The following THADA variants were observed in gnomAD, a reference collection of about 807,000 sequenced individuals.
The protein encoded by THADA is THADA armadillo repeat containing, also known as tRNA (32-2'-O)-methyltransferase regulator THADA.
THADA carries 213 observed loss-of-function variants against 219.8 expected under a neutral mutation model. That is an observed-to-expected ratio of 0.97 (90% CI 0.87 to 1.09). The LOEUF is 1.09. THADA is among the 50% of genes least tolerant of loss of function. The pLI is 0.00. For synonymous variants in THADA, 1,018 were observed against 828.9 expected, an observed-to-expected ratio of 1.23 and a Z score of -3.92; for missense variants, 2,956 against 2,311.3, an observed-to-expected ratio of 1.28 and a Z score of -5.72.
intron 28 of THADA, among the ~76,000 whole-genome samples, chr2:43,423,785 G>C (rs1388585333): frequency 6.6e-5 from 10 of 152,078 alleles, no homozygotes; most frequent in Admixed American, 6.6e-4. Flanking sequence ...TCTTTGACTG[G>C]AACTTGAAAC....
intron 36 of THADA, among the ~76,000 whole-genome samples, chr2:43,268,398 C>T (rs1229830105): frequency 5.9e-5 from 9 of 152,288 alleles, no homozygotes; most frequent in African/African-American, 1.9e-4. Context: ...CACACCCTGC[C>T]CCACGTGTGC....
In THADA at chr2:43,337,392, G is replaced by T. The variant is rs1363806504; in HGVS notation, c.4343+6730C>A. ...TGTCTCCCCAGTTGTTTTCACTGTAGAAAAGATTTTTTTATATTAAGGCAG... is the reference window on the plus strand; with the variant it reads ...TGTCTCCCCAGTTGTTTTCACTGTATAAAAGATTTTTTTATATTAAGGCAG... On this transcript the variant is annotated intron_variant, in intron 30 of 37. Coordinates refer to ENST00000405975, the MANE Select transcript of THADA (RefSeq NM_022065.5). Among the ~76,000 whole-genome samples the T allele has an allele frequency of 2.0e-5, 3 of 152,162 alleles. No individual in the cohort carries two copies. In the East Asian group the frequency reaches 5.8e-4, roughly 29 times the overall value.
At chr2:43,476,697 C>T (rs188600352) in intron 26 of THADA, among the ~76,000 whole-genome samples, 28 of 152,216 alleles carry the variant, frequency 1.8e-4, no homozygotes, top group Admixed American at 1.2e-3. Context: ...TATGTTATGT[C>T]GTTCTCCCTG....
intron 26 of THADA, among the ~76,000 whole-genome samples, chr2:43,476,549 C>A (rs1685571416): frequency 6.6e-6 from 1 of 152,170 alleles, no homozygotes; most frequent in South Asian, 2.1e-4. Context: ...CAAAAGGATT[C>A]TAGCTGCATA....
intron 29 of THADA, among the ~76,000 whole-genome samples, chr2:43,387,260 G>A (rs943984239): frequency 3.9e-5 from 6 of 152,302 alleles, no homozygotes; most frequent in Non-Finnish European, 7.4e-5. Context: ...CTCTGACTCT[G>A]AGGAGGGCAG....
rs114557571 is a variant in THADA at position 43,343,834 on chromosome 2, C to A, written c.4343+288G>T. 3.8e-5 allele frequency: 11 copies of A among 289,116 alleles called. No individual in the cohort carries two copies. In the East Asian group the frequency reaches 8.3e-4, roughly 22 times the overall value. 17.9% of individuals were successfully genotyped at this position (289,116 alleles called of 1,614,324 possible). Reference sequence around the variant, plus strand: ...TTACTGCCTTTCATTGTTATAATATCTAACACAGGACTGGGCACGCAGCAG... The same window carrying A: ...TTACTGCCTTTCATTGTTATAATATATAACACAGGACTGGGCACGCAGCAG... On this transcript the variant is annotated intron_variant, in intron 30 of 37. Coordinates refer to ENST00000405975, the MANE Select transcript of THADA (RefSeq NM_022065.5).
intron 4 of THADA, among the ~76,000 whole-genome samples, chr2:43,588,875 A>T (rs1282648039): frequency 6.6e-6 from 1 of 152,146 alleles, no homozygotes; most frequent in Non-Finnish European, 1.5e-5. Context: ...TATCACTGCA[A>T]TGGGGAAGTG....
chr2:43,540,772 G>C (rs532742476), intron 21 of THADA, among the ~76,000 whole-genome samples: 3 of 152,122 alleles, frequency 2.0e-5, no homozygotes, highest in African/African-American at 7.2e-5. Context: ...GGAAACATGA[G>C]ATCCATAATC....
intron 26 of THADA, among the ~76,000 whole-genome samples, chr2:43,476,801 T>C (rs1307549680): frequency 1.3e-5 from 2 of 152,224 alleles, no homozygotes; most frequent in African/African-American, 4.8e-5. Flanking sequence ...AACTGTATTA[T>C]AGGCACTATC....
At chr2:43,236,661 C>CA (rs1447468039) in intron 36 of THADA, among the ~76,000 whole-genome samples, 1 of 151,918 alleles carries the variant, frequency 6.6e-6, no homozygotes, top group Admixed American at 6.6e-5. Flanking sequence ...CGTGTTGCTA[C>CA]AAAAAATAAA....
chr2:43,238,652 T>A (rs1668312610), intron 36 of THADA, among the ~76,000 whole-genome samples: 1 of 152,220 alleles, frequency 6.6e-6, no homozygotes, highest in African/African-American at 2.4e-5. Flanking sequence ...CACAAAAACT[T>A]GTACATAAAT....
intron 31 of THADA, among the ~76,000 whole-genome samples, chr2:43,296,703 C>G (rs1675432335): frequency 6.6e-6 from 1 of 152,220 alleles, no homozygotes; most frequent in African/African-American, 2.4e-5. Flanking sequence ...GAGCACAGTA[C>G]TATCATCTCC....
chr2:43,274,988 CTTTTCTTTTCTTTT>C (rs1268862476), intron 36 of THADA, among the ~76,000 whole-genome samples: 1 of 121,712 alleles, frequency 8.2e-6, no homozygotes, highest in Non-Finnish European at 1.6e-5. Context: ...CCTTTCTTTT[CTTTTCTTTTCTTTT>C]TTTTTTTTTT....
At chr2:43,493,019 C>G (rs1162991520) in intron 25 of THADA, among the ~76,000 whole-genome samples, 1 of 152,168 alleles carries the variant, frequency 6.6e-6, no homozygotes, top group Non-Finnish European at 1.5e-5. Flanking sequence ...AGTGTAGCAC[C>G]CTTGTGGCAA....
At chr2:43,562,044 A>T (rs944748984) in intron 15 of THADA, among the ~76,000 whole-genome samples, 1 of 152,172 alleles carries the variant, frequency 6.6e-6, no homozygotes, top group Non-Finnish European at 1.5e-5. Context: ...GGTGTATTAC[A>T]TTGACTATTA....
At chr2:43,564,469 T>C (rs1574278107) in intron 15 of THADA, 6 of 152,422 alleles carry the variant, frequency 3.9e-5, no homozygotes, top group Admixed American at 3.9e-4. Flanking sequence ...CTTTCTTTTG[T>C]TTGTCAAATC....
intron 30 of THADA, among the ~76,000 whole-genome samples, chr2:43,327,795 C>T (rs1248258091): frequency 1.3e-5 from 2 of 152,278 alleles, no homozygotes; most frequent in African/African-American, 4.8e-5. Context: ...CAAAGCCCCT[C>T]CTCTATTTCT....
At chr2:43,333,479 AT>A (rs1388803974) in intron 30 of THADA, among the ~76,000 whole-genome samples, 4 of 152,012 alleles carry the variant, frequency 2.6e-5, no homozygotes, top group East Asian at 1.9e-4. Context: ...AAAAAAAAAA[AT>A]AACTTTTTCT....
intron 26 of THADA, chr2:43,463,021 G>A (rs1006835539): frequency 6.6e-6 from 1 of 152,174 alleles, no homozygotes; most frequent in Non-Finnish European, 1.5e-5. Context: ...TTGAGGGTGA[G>A]GGATACACAT....
Sources: allele counts gnomAD v4.1 joint callset (sites outside exome capture counted in the v4.1 genomes callset), GRCh38; gene constraint gnomAD v4.1.1; transcripts MANE v1.5; gene names NCBI Gene and HGNC (gene_info 2026-07-23, HGNC 2026-07-21).